PLA2G6: variants seen among roughly 807,000 people sequenced by gnomAD.
PLA2G6 encodes phospholipase A2 group VI.
Under a neutral mutation model 83.8 loss-of-function variants are expected in PLA2G6, and 62 were observed. The observed-to-expected ratio is 0.74, with a 90% confidence interval of 0.60 to 0.91. PLA2G6 has a LOEUF of 0.91. PLA2G6 is among the 40% of genes least tolerant of loss of function. PLA2G6 has a pLI of 0.00. For missense variants in PLA2G6, 944 were observed against 1,102.0 expected (o/e 0.86, Z 2.03); for synonymous variants, 417 against 449.8 (o/e 0.93, Z 0.92).
chr22:38,116,128 C>T lies in PLA2G6; in HGVS notation c.1826G>A (p.Arg609Gln), dbSNP rs762533381. ...AACGTTCTGGTTGAAACGAGGCTCC[C>T]GGACAGTTTCTGGAGCATCGTAGTT... is the stretch of plus-strand genomic sequence containing the variant. ...FRNYDAPETV[R>Q]EPRFNQNVNL... is the part of the protein sequence containing the mutation. The change falls in exon 13 of 17, where the codon CGG becomes CAG. Residue 609 changes from arginine (R) to glutamine (Q), a missense_variant. Coordinates refer to ENST00000332509, the MANE Select transcript of PLA2G6 (RefSeq NM_003560.4). 2.8e-5 allele frequency: 45 copies of T among 1,613,990 alleles called. No homozygotes were observed. The highest frequency in any genetic ancestry group is 2.0e-5 in the Non-Finnish European group (24 of 1,179,892).
intron 11 of PLA2G6, among the ~76,000 whole-genome samples, chr22:38,122,391 C>T (rs948362040): frequency 1.3e-5 from 2 of 152,158 alleles, no homozygotes; most frequent in African/African-American, 4.8e-5. Context: ...TGCCCCTCCC[C>T]ACCTGTCAGC....
intron 2 of PLA2G6, chr22:38,148,266 TG>T (rs2089377674): frequency 2.1e-6 from 1 of 481,034 alleles, no homozygotes; most frequent in South Asian, 2.2e-5. Context: ...AGTTTTGCTG[TG>T]GTGAGGAGCA....
chr22:38,116,874 A>AAAAAAAAAAAAAAAAAAAG (rs2087238842), intron 12 of PLA2G6, among the ~76,000 whole-genome samples: 1 of 150,672 alleles, frequency 6.6e-6, no homozygotes. Flanking sequence ...AAAAAAAAAA[A>AAAAAAAAAAAAAAAAAAAG]AACAGAATAT....
At chr22:38,145,120 T>G in intron 3 of PLA2G6, 2 of 378,612 alleles carry the variant, frequency 5.3e-6, no homozygotes, top group Non-Finnish European at 1.0e-5. Context: ...TAGCTCACTG[T>G]AAACTCTAAC....
intron 3 of PLA2G6, chr22:38,144,963 G>T: frequency 2.8e-6 from 1 of 356,126 alleles, no homozygotes; most frequent in Non-Finnish European, 5.5e-6. Flanking sequence ...CTGGCACCTG[G>T]TGAGCACTCC....
chr22:38,115,532 G>C lies in PLA2G6; in HGVS notation c.2029C>G (p.Arg677Gly). 2 of 1,613,044 alleles carry C rather than the reference G, an allele frequency of 1.2e-6. No homozygotes were observed. The highest frequency in any genetic ancestry group is 1.7e-6 in the Non-Finnish European group (2 of 1,179,612). Residue 677 changes from arginine to glycine, a missense_variant, in exon 14 of 17, where the codon CGC (arginine) becomes GGC (glycine). Arg to Gly is a moderately radical substitution (Grantham distance 125). Transcript: ENST00000332509. ...EIHEYNQDLI[R>G]KGQANKVKKL... ...CTCTGGCCTACGGCACTCACCTTGC[G>C]GATCAGGTCCTGATTGTACTCATGG...
chr22:38,112,884 C>G (rs926869546), intron 15 of PLA2G6: 1 of 522,996 alleles, frequency 1.9e-6, no homozygotes, highest in Non-Finnish European at 3.4e-6. Flanking sequence ...TTCCCTCCCT[C>G]CCTCCTCTCT....
chr22:38,143,392 T>C (rs1258559053), intron 3 of PLA2G6, 104 bp from the exon 4 acceptor site: 9 of 1,118,808 alleles, frequency 8.0e-6, no homozygotes, highest in Non-Finnish European at 1.2e-5. Flanking sequence ...ACTCGGACTT[T>C]CTGGTTTATT....
chr22:38,142,578 C>T (rs948121833), intron 4 of PLA2G6: 13 of 198,264 alleles, frequency 6.6e-5, no homozygotes, highest in Admixed American at 5.8e-4. Flanking sequence ...TTGGGTCACA[C>T]ATAAAATACA....
chr22:38,116,620 C>T (rs2087211130), intron 12 of PLA2G6, among the ~76,000 whole-genome samples: 1 of 151,830 alleles, frequency 6.6e-6, no homozygotes, highest in Non-Finnish European at 1.5e-5. Flanking sequence ...TTTGGGAGGC[C>T]GAGGCAGGTG....
At chr22:38,131,053 T>C (rs1331441108) in intron 7 of PLA2G6, 1 of 152,148 alleles carries the variant, frequency 6.6e-6, no homozygotes, top group Non-Finnish European at 1.5e-5. Context: ...AAGTACATAA[T>C]TGTAAAGGTG....
chr22:38,122,050 C>A (rs536953167), intron 11 of PLA2G6, among the ~76,000 whole-genome samples: 1 of 152,166 alleles, frequency 6.6e-6, no homozygotes, highest in Non-Finnish European at 1.5e-5. Flanking sequence ...GGCAACTTGA[C>A]AGATGACTCT....
chr22:38,130,458 C>T (rs1322520320), intron 7 of PLA2G6: 1 of 152,150 alleles, frequency 6.6e-6, no homozygotes, highest in Non-Finnish European at 1.5e-5. Context: ...GCTGGTATTA[C>T]AGGTGCCCAC....
intron 2 of PLA2G6, among the ~76,000 whole-genome samples, chr22:38,161,755 C>G (rs913688831): frequency 4.6e-5 from 7 of 151,910 alleles, no homozygotes; most frequent in Non-Finnish European, 2.9e-5. Flanking sequence ...GAGACAGCAG[C>G]AGGGCTATCA....
chr22:38,148,763 C>G, intron 2 of PLA2G6: 2 of 467,410 alleles, frequency 4.3e-6, no homozygotes, highest in Non-Finnish European at 7.6e-6. Context: ...GATTTCAGTT[C>G]CAGAAACTAG....
chr22:38,123,144 CCAGT>C lies in PLA2G6; in HGVS notation c.1538_1541del (p.Asp513GlyfsTer31). The C allele has an allele frequency of 6.4e-7, 1 of 1,550,410 alleles. No individual in the cohort carries two copies. On this transcript the variant is annotated frameshift_variant, in exon 11 of 17. Coordinates refer to ENST00000332509, the MANE Select transcript of PLA2G6 (RefSeq NM_003560.4). LOFTEE classifies it high-confidence loss of function. This position sits in a 1 kb window ranked among gnomAD's most constrained non-coding sequence, Gnocchi z 4.1. ...TGCCTCCAGTGCTGGTGCCCGCCAC[CCAGT>C]CAAACAGGTCCTTGGTGGCCACACC...
chr22:38,117,820 G>A (rs551223527), intron 12 of PLA2G6, among the ~76,000 whole-genome samples: 70 of 152,048 alleles, frequency 4.6e-4, no homozygotes, highest in African/African-American at 1.6e-3. Flanking sequence ...GGTGGATCAC[G>A]AGGTTAGGAG....
At chr22:38,153,462 GT>G (rs2089655322) in intron 2 of PLA2G6, among the ~76,000 whole-genome samples, 1 of 151,846 alleles carries the variant, frequency 6.6e-6, no homozygotes, top group South Asian at 2.1e-4. Flanking sequence ...CGACATTAAA[GT>G]TTACTTTTTA....
chr22:38,130,106 A>C, intron 7 of PLA2G6: 1 of 234,370 alleles, frequency 4.3e-6, no homozygotes, highest in East Asian at 1.0e-4. Flanking sequence ...AGAGCATGGC[A>C]TGGTTTCAGA....
Sources: gnomAD v4.1 joint callset for allele counts (sites outside exome capture counted in the v4.1 genomes callset) on GRCh38, gnomAD v4.1.1 for gene constraint, Gnocchi (gnomAD v3.1) non-coding constraint, MANE v1.5 for transcripts, NCBI Gene and HGNC (gene_info 2026-07-23, HGNC 2026-07-21) for gene names.